Variants in STXBP4 observed in about 807,000 individuals in gnomAD.
STXBP4 encodes the protein syntaxin-binding protein 4.
A neutral mutation model predicts 76.1 loss-of-function variants in STXBP4; 55 were observed. That is an observed-to-expected ratio of 0.72 (90% CI 0.58 to 0.91). STXBP4 has a LOEUF of 0.91. Ranked by LOEUF, STXBP4 falls within the 40% of genes least tolerant of loss-of-function variation. STXBP4 has a pLI of 0.00. For synonymous variants in STXBP4, 201 were observed against 220.2 expected (o/e 0.91, Z 0.77); for missense variants, 618 against 636.9 (o/e 0.97, Z 0.32).
At chr17:55,007,370 T>C (rs2078029405) in intron 7 of STXBP4, 136 bp from the exon 8 acceptor site, 1 of 682,556 alleles carries the variant, frequency 1.5e-6, no homozygotes, top group East Asian at 2.8e-5. Context: ...AAAAAAATTA[T>C]GCAAACAAAA....
the STXBP4 span, among the ~76,000 whole-genome samples, chr17:55,179,323 A>C: frequency 2.6e-5 from 4 of 152,178 alleles, no homozygotes; most frequent in Non-Finnish European, 5.9e-5. Context: ...TGGAAAAAAA[A>C]ATAAAGGAGG....
At chr17:55,181,015 A>G in the STXBP4 span, among the ~76,000 whole-genome samples, 2 of 152,214 alleles carry the variant, frequency 1.3e-5, no homozygotes, top group South Asian at 2.1e-4. Context: ...CAATTCACTA[A>G]CATTTGGGGG....
chr17:55,106,712 A>T (rs1178471234), intron 16 of STXBP4, among the ~76,000 whole-genome samples: 1 of 152,080 alleles, frequency 6.6e-6, no homozygotes, highest in East Asian at 1.9e-4. Context: ...TTTCTTCTTC[A>T]CTTATGATGC....
intron 16 of STXBP4, among the ~76,000 whole-genome samples, chr17:55,113,216 ACCACAC>A (rs2079742011): frequency 2.1e-5 from 2 of 97,224 alleles, no homozygotes; most frequent in Admixed American, 2.4e-4. Context: ...AGGTGCTCTT[ACCACAC>A]ACACACACAC....
chr17:55,201,287 T>C, the STXBP4 span, among the ~76,000 whole-genome samples: 4 of 152,310 alleles, frequency 2.6e-5, no homozygotes, highest in South Asian at 8.3e-4. Flanking sequence ...GTACTGTTTT[T>C]ATTTAAATAA....
At chr17:55,023,918 A>C in intron 8 of STXBP4, among the ~76,000 whole-genome samples, 1 of 48,482 alleles carries the variant, frequency 2.1e-5, no homozygotes, top group Admixed American at 1.7e-4. Context: ...CCCTTTTCCA[A>C]AAAAAAAAAA....
chr17:55,090,847 G>GTGTGTC (rs1460211718), intron 16 of STXBP4, among the ~76,000 whole-genome samples: 1 of 9,288 alleles, frequency 1.1e-4, no homozygotes, highest in Non-Finnish European at 1.9e-4. Context: ...GTGTGTGTGT[G>GTGTGTC]TGTGTGTCTG....
At chr17:55,078,292 T>A in intron 14 of STXBP4, 98 bp downstream of exon 14, 3 of 784,008 alleles carry the variant, frequency 3.8e-6, no homozygotes, top group Non-Finnish European at 6.2e-6. Flanking sequence ...TGAAACATTC[T>A]CTAGTCTCAA....
At chr17:54,996,084 G>A (rs2077797340) in intron 4 of STXBP4, among the ~76,000 whole-genome samples, 1 of 151,864 alleles carries the variant, frequency 6.6e-6, no homozygotes, top group South Asian at 2.1e-4. Flanking sequence ...TACAGAGTAA[G>A]TGCAATCCTT....
chr17:55,008,505 C>G (rs757988086), intron 8 of STXBP4, among the ~76,000 whole-genome samples: 1 of 151,914 alleles, frequency 6.6e-6, no homozygotes, highest in African/African-American at 2.4e-5. Context: ...GACAGATTAA[C>G]GAGAAAATAG....
chr17:55,045,630 C>T (rs2078774667), intron 11 of STXBP4, among the ~76,000 whole-genome samples: 1 of 151,970 alleles, frequency 6.6e-6, no homozygotes, highest in Non-Finnish European at 1.5e-5. Context: ...CAGGATTTAC[C>T]TTTAAAGTTC....
intron 16 of STXBP4, among the ~76,000 whole-genome samples, chr17:55,115,901 C>T (rs1035041575): frequency 1.3e-5 from 2 of 151,802 alleles, no homozygotes; most frequent in Non-Finnish European, 3.0e-5. Flanking sequence ...ACTAATCAGA[C>T]ATGATTTATG....
chr17:55,185,504 G>A, the STXBP4 span, among the ~76,000 whole-genome samples: 7 of 152,008 alleles, frequency 4.6e-5, no homozygotes, highest in African/African-American at 1.7e-4. Context: ...TAAGGTACAT[G>A]AAGTAAAATG....
At chr17:55,180,408 T>C in the STXBP4 span, among the ~76,000 whole-genome samples, 1 of 152,230 alleles carries the variant, frequency 6.6e-6, no homozygotes, top group African/African-American at 2.4e-5. Context: ...AACGATACTC[T>C]GTGAAGCCTT....
rs904165970 is a variant in STXBP4, at chr17:55,173,484, C to G, written c.*13573C>G. On this transcript the variant is annotated 3_prime_UTR_variant, in exon 18 of 18. Coordinates refer to ENST00000376352, the MANE Select transcript of STXBP4 (RefSeq NM_178509.6). ...TAATGCCTTTGAGATTCATCCAGATCGTTGTGTGTATCAGTAGTTTGTTTT... is the reference window on the plus strand; with the variant it reads ...TAATGCCTTTGAGATTCATCCAGATGGTTGTGTGTATCAGTAGTTTGTTTT... 3 of 152,158 alleles carry G rather than the reference C, an allele frequency of 2.0e-5. No homozygotes were observed. The highest frequency in any genetic ancestry group is 7.2e-5 in the African/African-American group (3 of 41,450). The allele number at this position is 152,158 out of a possible 1,614,324, so 9.4% of individuals were successfully genotyped here. A position where few individuals can be genotyped will look rare whatever the true frequency, so the allele number is the denominator to read the frequency against.
chr17:55,018,306 C>T (rs2078245000), intron 8 of STXBP4, among the ~76,000 whole-genome samples: 1 of 152,180 alleles, frequency 6.6e-6, no homozygotes, highest in Non-Finnish European at 1.5e-5. Flanking sequence ...AGGAGCACAG[C>T]GGACACTCTG....
chr17:55,010,488 TGTA>T (rs1443265502), intron 8 of STXBP4, among the ~76,000 whole-genome samples: 1 of 152,160 alleles, frequency 6.6e-6, no homozygotes, highest in African/African-American at 2.4e-5. Flanking sequence ...CATAGTTATT[TGTA>T]GTGATATATT....
At chr17:55,092,182 A>G (rs1386662289) in intron 16 of STXBP4, among the ~76,000 whole-genome samples, 1 of 152,176 alleles carries the variant, frequency 6.6e-6, no homozygotes, top group Non-Finnish European at 1.5e-5. Context: ...GGGTTAAGGG[A>G]TAAAAGACTA....
chr17:55,190,174 T>C, the STXBP4 span, among the ~76,000 whole-genome samples: 2 of 152,120 alleles, frequency 1.3e-5, no homozygotes, highest in Admixed American at 6.5e-5. Flanking sequence ...ATTCTACAAA[T>C]ACTTATTGAA....
Sources: gnomAD v4.1 joint callset for allele counts (sites outside exome capture counted in the v4.1 genomes callset) on GRCh38, gnomAD v4.1.1 for gene constraint, MANE v1.5 for transcripts, NCBI Gene and HGNC (gene_info 2026-07-23, HGNC 2026-07-21) for gene names.